The following SMC1B variants were observed in gnomAD, a reference collection of about 807,000 sequenced individuals.
SMC1B encodes the protein structural maintenance of chromosomes 1B.
Under a neutral mutation model 157.9 loss-of-function variants are expected in SMC1B, and 60 were observed. The observed-to-expected ratio is 0.38, with a 90% confidence interval of 0.31 to 0.47. The LOEUF (loss-of-function observed/expected upper bound fraction) is 0.47. SMC1B is among the 20% of genes least tolerant of loss of function. The probability of loss-of-function intolerance (pLI) is 0.99; values close to 1 mark genes in which losing one functional copy is unlikely to be tolerated. For missense variants in SMC1B, 1,165 were observed against 1,426.2 expected (o/e 0.82, Z 2.95); for synonymous variants, 445 against 483.0 (o/e 0.92, Z 1.03).
intron 14 of SMC1B, 90 bp from the exon 15 acceptor site, chr22:45,370,150 A>C: frequency 1.4e-6 from 1 of 705,426 alleles, no homozygotes; most frequent in Non-Finnish European, 2.2e-6. Flanking sequence ...GATTTTCCTG[A>C]ATTAGGCCAA....
rs543923495 is a variant in SMC1B, at chr22:45,401,264, A to G, written c.854+1069T>C. 2.6e-5 allele frequency among the ~76,000 whole-genome samples: 4 copies of G among 152,376 alleles called. No homozygotes were observed. The South Asian group carries it at 8.3e-4, about 32-fold the overall frequency. ...GATAGTGAAGGTTAAGAGAGTCCTC[A>G]GCAGAGCTTCCCTTTTAACGAAAAG... is the stretch of plus-strand genomic sequence containing the variant. On this transcript the variant is annotated intron_variant, in intron 5 of 24. Coordinates refer to ENST00000357450, the MANE Select transcript of SMC1B (RefSeq NM_148674.5).
At chr22:45,391,914 T>C (rs1445942064) in intron 9 of SMC1B, among the ~76,000 whole-genome samples, 1 of 152,140 alleles carries the variant, frequency 6.6e-6, no homozygotes, top group African/African-American at 2.4e-5. Context: ...TTCACTTCCA[T>C]TAGAGAGCAT....
At chr22:45,397,886 A>G (rs1301058013) in intron 6 of SMC1B, among the ~76,000 whole-genome samples, 1 of 151,802 alleles carries the variant, frequency 6.6e-6, no homozygotes, top group Non-Finnish European at 1.5e-5. Flanking sequence ...TGCCTTCCTC[A>G]CTCTTCGATT....
intron 23 of SMC1B, among the ~76,000 whole-genome samples, chr22:45,348,169 T>A (rs1411340179): frequency 6.6e-6 from 1 of 152,196 alleles, no homozygotes; most frequent in African/African-American, 2.4e-5. Context: ...CTCCTAAGTG[T>A]GAAACTGTTC....
chr22:45,387,698 GA>G (rs1452725638), intron 10 of SMC1B, among the ~76,000 whole-genome samples: 3 of 152,218 alleles, frequency 2.0e-5, no homozygotes, highest in Middle Eastern at 6.9e-3. Context: ...GCCCATTTTA[GA>G]TATGTGTCAA....
chr22:45,411,248 T>C (rs182928511), intron 1 of SMC1B, among the ~76,000 whole-genome samples: 38 of 152,268 alleles, frequency 2.5e-4, no homozygotes, highest in East Asian at 1.5e-3. Context: ...TGAAATATTA[T>C]TTGAAAATAA....
chr22:45,408,653 T>C (rs1469174514), intron 2 of SMC1B, 57 bp downstream of exon 2: 5 of 1,223,244 alleles, frequency 4.1e-6, no homozygotes, highest in Non-Finnish European at 5.7e-6. Flanking sequence ...AAAGAAAAAA[T>C]GGGCAATCTT....
At chr22:45,355,857 G>A (rs2086664726) in intron 19 of SMC1B, among the ~76,000 whole-genome samples, 1 of 152,160 alleles carries the variant, frequency 6.6e-6, no homozygotes, top group Non-Finnish European at 1.5e-5. Context: ...ATCACCTGAG[G>A]TCAAGAGTTC....
chr22:45,349,463 G>A (rs533450475), intron 23 of SMC1B, among the ~76,000 whole-genome samples: 1 of 95,110 alleles, frequency 1.1e-5, no homozygotes, highest in African/African-American at 4.4e-5. Context: ...CAGCTCCTGA[G>A]TAGCTGGGAT....
chr22:45,366,466 A>T (rs1243989658), intron 15 of SMC1B, among the ~76,000 whole-genome samples: 1 of 152,242 alleles, frequency 6.6e-6, no homozygotes, highest in Non-Finnish European at 1.5e-5. Context: ...TCATATAACT[A>T]GACAAGTTCA....
rs1285721835 is a variant in SMC1B at position 45,354,064 on chromosome 22, A to T, written c.3187T>A (p.Tyr1063Asn). 1 of 1,603,856 alleles carries T rather than the reference A, an allele frequency of 6.2e-7. No individual in the cohort carries two copies. The highest frequency in any genetic ancestry group is 2.2e-5 in the East Asian group (1 of 44,486). The change falls in exon 21 of 25, where the codon TAC (tyrosine) becomes AAC (asparagine). Residue 1063 changes from tyrosine (Y) to asparagine (N), a missense_variant. By Grantham distance (143) the Tyr-to-Asn change is moderately radical (BLOSUM62 -2). Coordinates refer to ENST00000357450, the MANE Select transcript of SMC1B (RefSeq NM_148674.5). The stretch of plus-strand genomic sequence containing the variant: ...TCAAAACACTGGGTGAAAAGATCGT[A>T]TCTCCTTTTTTTCACTTGCTCGAAC... ...QEFEQVKKRR[Y>N]DLFTQCFEHV...
At chr22:45,392,487 G>GTA (rs1022685512) in intron 9 of SMC1B, among the ~76,000 whole-genome samples, 2 of 149,294 alleles carry the variant, frequency 1.3e-5, no homozygotes, top group African/African-American at 5.0e-5. Context: ...CTAGTTGTGT[G>GTA]TGTGTGTGTG....
In SMC1B at chr22:45,344,572, T is replaced by A. The variant is rs1264044458; in HGVS notation, c.3692A>T (p.His1231Leu). 6.2e-7 allele frequency: 1 copy of A among 1,613,676 alleles called. No individual in the cohort carries two copies. The highest frequency in any genetic ancestry group is 1.3e-5 in the African/African-American group (1 of 74,932). Residue 1231 changes from histidine to leucine, a missense_variant, in exon 25 of 25, where the codon CAC becomes CTC. Coordinates refer to ENST00000357450, the MANE Select transcript of SMC1B (RefSeq NM_148674.5). ...GGACTGCCCCTAGCGGGACTCTCCG[T>A]GTCTCTTGCTGCTTTCTTGGCCTTC... ...DTEGQESSKR[H>L]GESR
At chr22:45,409,615 C>A (rs2087307953) in intron 1 of SMC1B, among the ~76,000 whole-genome samples, 1 of 141,092 alleles carries the variant, frequency 7.1e-6, no homozygotes, top group Admixed American at 7.2e-5. Flanking sequence ...TAAATAAAAA[C>A]AAGAGAAGCT....
chr22:45,400,922 C>T (rs780972837), intron 5 of SMC1B, among the ~76,000 whole-genome samples: 2 of 152,066 alleles, frequency 1.3e-5, no homozygotes, highest in South Asian at 2.1e-4. Context: ...CAGACAAATC[C>T]GGATTGAAAG....
Position 45,344,619 on chromosome 22 carries a change from ATC to A in SMC1B, c.3643_3644del (p.Asp1215SerfsTer8). Reference sequence around the variant, plus strand: ...CTTCAGTGTCTGGATACTGAGAAAGATCTAGGGTCAAAACTCGGCTGAACATG... The same window carrying A: ...CTTCAGTGTCTGGATACTGAGAAAGATAGGGTCAAAACTCGGCTGAACATG... ...DCMFSRVLTL[D>X]LSQYPDTEGQ... On this transcript the variant is annotated frameshift_variant, in exon 25 of 25. Coordinates refer to ENST00000357450, the MANE Select transcript of SMC1B (RefSeq NM_148674.5). LOFTEE classifies it low-confidence loss of function (END_TRUNC). 1 of 1,614,146 alleles carries A rather than the reference ATC, an allele frequency of 6.2e-7. No homozygotes were observed. The highest frequency in any genetic ancestry group is 8.5e-7 in the Non-Finnish European group (1 of 1,179,996).
rs1414269259 is a variant in SMC1B, at chr22:45,378,262, T to C, written c.2058+5205A>G. On this transcript the variant is annotated intron_variant, in intron 12 of 24. Transcript: ENST00000357450. ...CCTTAATCCCAAAACTATCTACAAA[T>C]ACACTTCTTAATTTCTATAGAGACA... Among the ~76,000 whole-genome samples, 4 of 152,180 alleles carry C rather than the reference T, an allele frequency of 2.6e-5. No homozygotes were observed. In the East Asian group the frequency reaches 5.8e-4, roughly 22 times the overall value.
chr22:45,402,008 C>T (rs865930627), intron 5 of SMC1B, among the ~76,000 whole-genome samples: 3 of 152,102 alleles, frequency 2.0e-5, no homozygotes, highest in South Asian at 2.1e-4. Flanking sequence ...CTCAGCCTCC[C>T]GAGTAGGTGG....
intron 6 of SMC1B, among the ~76,000 whole-genome samples, chr22:45,397,003 C>T (rs928867260): frequency 2.0e-5 from 3 of 151,946 alleles, no homozygotes; most frequent in Admixed American, 6.6e-5. Context: ...AACATGTAAT[C>T]GACAAACAAC....
Sources: allele counts gnomAD v4.1 joint callset (sites outside exome capture counted in the v4.1 genomes callset), GRCh38; gene constraint gnomAD v4.1.1; transcripts MANE v1.5; gene names NCBI Gene and HGNC (gene_info 2026-07-23, HGNC 2026-07-21).